ULK4: variants seen among roughly 807,000 people sequenced by gnomAD.
ULK4 encodes inactive serine/threonine-protein kinase ULK4.
A neutral mutation model predicts 160.6 loss-of-function variants in ULK4; 133 were observed. The observed-to-expected ratio is 0.83, with a 90% CI of 0.72 to 0.96. The LOEUF is 0.96. ULK4 is among the 40% of genes least tolerant of loss of function. The pLI, the probability that ULK4 is intolerant of heterozygous loss-of-function variation, is 0.00. For missense variants in ULK4, 1,580 were observed against 1,499.5 expected, an observed-to-expected ratio of 1.05 and a Z score of -0.89; for synonymous variants, 534 against 539.8, an observed-to-expected ratio of 0.99 and a Z score of 0.15.
At chr3:41,779,864 T>G (rs1575695534) in intron 21 of ULK4, among the ~76,000 whole-genome samples, 2 of 81,582 alleles carry the variant, frequency 2.5e-5, no homozygotes, top group African/African-American at 1.0e-4. Flanking sequence ...AGGGATAGCA[T>G]TGGGAGATAT....
intron 35 of ULK4, among the ~76,000 whole-genome samples, chr3:41,255,370 C>G (rs2078815558): frequency 6.6e-6 from 1 of 152,124 alleles, no homozygotes; most frequent in African/African-American, 2.4e-5. Context: ...ATAATCCCAG[C>G]TACTTGGGAG....
chr3:41,912,320 C>A (rs528341064), intron 9 of ULK4, among the ~76,000 whole-genome samples: 5 of 126,252 alleles, frequency 4.0e-5, no homozygotes, highest in East Asian at 2.1e-4. Context: ...CAGAGTGAGA[C>A]GTTGTCTCAA....
chr3:41,393,380 T>C lies in ULK4; in HGVS notation c.3678+4699A>G, dbSNP rs148452288. The stretch of plus-strand genomic sequence containing the variant: ...TCCTAAAGCTCATGTTTAGTAAAGC[T>C]CTGGCTTTTCCTGGCCCATGTCTTA... On this transcript the variant is annotated intron_variant, in intron 35 of 36. Transcript: ENST00000301831. Among the ~76,000 whole-genome samples the C allele has an allele frequency of 9.2e-5, 14 of 152,270 alleles. No homozygotes were observed. The East Asian group carries it at 2.7e-3, about 29-fold the overall frequency.
chr3:41,716,402 C>T (rs978182718), intron 23 of ULK4, among the ~76,000 whole-genome samples: 5 of 151,986 alleles, frequency 3.3e-5, no homozygotes, highest in East Asian at 3.8e-4. Flanking sequence ...AGAATCTTAT[C>T]GCCATACCCT....
intron 25 of ULK4, among the ~76,000 whole-genome samples, chr3:41,710,789 T>C (rs966700933): frequency 7.8e-6 from 1 of 128,650 alleles, no homozygotes; most frequent in South Asian, 2.3e-4. Flanking sequence ...GAGACTCTTG[T>C]CTCAAAAAAA....
chr3:41,446,130 C>G (rs1162003022), intron 34 of ULK4, among the ~76,000 whole-genome samples: 3 of 152,174 alleles, frequency 2.0e-5, no homozygotes, highest in Non-Finnish European at 4.4e-5. Context: ...AAAAAATGCT[C>G]ATCATCACTG....
At chr3:41,459,772 A>G (rs1228811151) in intron 33 of ULK4, among the ~76,000 whole-genome samples, 1 of 152,168 alleles carries the variant, frequency 6.6e-6, no homozygotes, top group East Asian at 1.9e-4. Context: ...AAAGCACAGC[A>G]TCCACTTACA....
intron 35 of ULK4, among the ~76,000 whole-genome samples, chr3:41,347,081 A>C (rs959897789): frequency 2.7e-5 from 4 of 150,728 alleles, no homozygotes; most frequent in Non-Finnish European, 4.4e-5. Context: ...GAAAAAAAAA[A>C]CCCACATAGG....
At chr3:41,449,578 A>G (rs573324202) in intron 34 of ULK4, among the ~76,000 whole-genome samples, 241 of 152,226 alleles carry the variant, frequency 1.6e-3, no homozygotes, top group African/African-American at 5.2e-3. Context: ...ACCATAAACC[A>G]TAATCACCAT....
chr3:41,475,228 T>C (rs1451569192), intron 32 of ULK4, among the ~76,000 whole-genome samples: 1 of 152,140 alleles, frequency 6.6e-6, no homozygotes, highest in Non-Finnish European at 1.5e-5. Flanking sequence ...CTATGTGAAA[T>C]AAACCAGACA....
intron 35 of ULK4, among the ~76,000 whole-genome samples, chr3:41,328,013 G>A (rs1483175467): frequency 6.6e-6 from 1 of 152,208 alleles, no homozygotes; most frequent in Non-Finnish European, 1.5e-5. Flanking sequence ...TAAAGACTTG[G>A]CAAGTCAGAG....
intron 35 of ULK4, among the ~76,000 whole-genome samples, chr3:41,338,140 A>G (rs911561466): frequency 6.6e-6 from 1 of 152,226 alleles, no homozygotes; most frequent in African/African-American, 2.4e-5. Context: ...GAAGTAAATA[A>G]GAAGAGAGAA....
At chr3:41,629,857 C>T (rs1216023774) in intron 30 of ULK4, among the ~76,000 whole-genome samples, 3 of 151,908 alleles carry the variant, frequency 2.0e-5, no homozygotes, top group Non-Finnish European at 4.4e-5. Flanking sequence ...ATTAGCCAGG[C>T]ATAGTGGTGG....
intron 35 of ULK4, among the ~76,000 whole-genome samples, chr3:41,356,566 G>A (rs907142228): frequency 6.6e-6 from 1 of 152,108 alleles, no homozygotes; most frequent in Non-Finnish European, 1.5e-5. Flanking sequence ...TTGTGGGACA[G>A]GTACAGTATG....
intron 27 of ULK4, among the ~76,000 whole-genome samples, chr3:41,697,336 G>C (rs569258550): frequency 6.6e-6 from 1 of 152,050 alleles, no homozygotes; most frequent in Non-Finnish European, 1.5e-5. Flanking sequence ...TGATGATCCT[G>C]ATCTTGAGTA....
At chr3:41,761,474 T>TAA (rs2038984265) in intron 21 of ULK4, among the ~76,000 whole-genome samples, 1 of 150,990 alleles carries the variant, frequency 6.6e-6, no homozygotes, top group Non-Finnish European at 1.5e-5. Context: ...TGTTATGCCT[T>TAA]AAACAGTAGA....
intron 32 of ULK4, among the ~76,000 whole-genome samples, chr3:41,484,114 A>G (rs2084422052): frequency 6.6e-6 from 1 of 152,186 alleles, no homozygotes; most frequent in South Asian, 2.1e-4. Context: ...CTTTACCAAG[A>G]AGTCTTCAGC....
At chr3:41,736,102 T>G (rs549760551) in intron 22 of ULK4, among the ~76,000 whole-genome samples, 23 of 151,562 alleles carry the variant, frequency 1.5e-4, no homozygotes, top group Non-Finnish European at 2.8e-4. Flanking sequence ...TGTTGGACAT[T>G]TGGGTTGGTT....
chr3:41,523,060 C>A (rs751613368), intron 32 of ULK4, among the ~76,000 whole-genome samples: 6 of 152,092 alleles, frequency 3.9e-5, no homozygotes, highest in Non-Finnish European at 8.8e-5. Context: ...AGGCATTCAC[C>A]ACCACGCCCG....
Sources: allele counts gnomAD v4.1 joint callset (sites outside exome capture counted in the v4.1 genomes callset), GRCh38; gene constraint gnomAD v4.1.1; transcripts MANE v1.5; gene names NCBI Gene and HGNC (gene_info 2026-07-23, HGNC 2026-07-21).